The following RIT2 variants were observed in gnomAD, a reference collection of about 807,000 sequenced individuals.
RIT2 encodes GTP-binding protein Rit2.
RIT2 carries 24 observed loss-of-function variants against 23.7 expected under a neutral mutation model. The observed-to-expected ratio is 1.01, with a 90% CI of 0.73 to 1.43. RIT2 has a LOEUF of 1.43. RIT2 is among the 40% of genes most tolerant of loss of function. The pLI, the probability that RIT2 is intolerant of heterozygous loss-of-function variation, is 0.00. For synonymous variants in RIT2, 107 were observed against 91.1 expected (o/e 1.17, Z -0.99); for missense variants, 236 against 266.9 (o/e 0.88, Z 0.81).
Position 43,006,029 on chromosome 18 carries a change from G to A in RIT2, c.160+27782C>T, listed in dbSNP as rs150505088. On this transcript the variant is annotated intron_variant, in intron 2 of 4. Coordinates refer to ENST00000326695, the MANE Select transcript of RIT2 (RefSeq NM_002930.4). ...AGTCTTTTTCATAACAAAAGCCCAC[G>A]CTGAGAATAAACTTTTGGAAAAAAA... is the stretch of plus-strand genomic sequence containing the variant. Among the ~76,000 whole-genome samples the A allele has an allele frequency of 5.0e-3, 753 of 151,608 alleles. 6 individuals are homozygous for A. Among genetic ancestry groups the A allele is most frequent in the Non-Finnish European group, 8.3e-3 (565 of 67,776 alleles).
chr18:42,883,460 T>C (rs1312147804), intron 4 of RIT2, among the ~76,000 whole-genome samples: 3 of 152,164 alleles, frequency 2.0e-5, no homozygotes, highest in African/African-American at 7.2e-5. Flanking sequence ...AATTGGACAT[T>C]AGAGACTCAG....
intron 3 of RIT2, among the ~76,000 whole-genome samples, chr18:42,970,838 G>A (rs928608353): frequency 6.6e-6 from 1 of 151,728 alleles, no homozygotes; most frequent in Non-Finnish European, 1.5e-5. Context: ...ATTTTGGAAA[G>A]CTCCCACATC....
chr18:42,754,467 G>A (rs368465264), intron 4 of RIT2, among the ~76,000 whole-genome samples: 38 of 152,198 alleles, frequency 2.5e-4, no homozygotes, highest in African/African-American at 8.4e-4. Context: ...ATGCCTTTGC[G>A]TATTGCTTTT....
chr18:42,756,907 T>C (rs1214980291), intron 4 of RIT2, among the ~76,000 whole-genome samples: 1 of 151,990 alleles, frequency 6.6e-6, no homozygotes, highest in Non-Finnish European at 1.5e-5. Flanking sequence ...AAAAAACTTA[T>C]GTATTATACT....
At chr18:42,753,838 T>C (rs1913101662) in intron 4 of RIT2, among the ~76,000 whole-genome samples, 1 of 152,200 alleles carries the variant, frequency 6.6e-6, no homozygotes, top group African/African-American at 2.4e-5. Flanking sequence ...TAAATTTGAT[T>C]TATTCACTTA....
At chr18:42,964,541 G>A (rs1391229721) in intron 3 of RIT2, among the ~76,000 whole-genome samples, 3 of 152,078 alleles carry the variant, frequency 2.0e-5, no homozygotes, top group Non-Finnish European at 4.4e-5. Flanking sequence ...CCCCTGCCCA[G>A]TTTTGTCTAT....
intron 3 of RIT2, among the ~76,000 whole-genome samples, chr18:42,969,604 A>C (rs1329494032): frequency 6.6e-6 from 1 of 151,956 alleles, no homozygotes; most frequent in Non-Finnish European, 1.5e-5. Context: ...AGAATGACTT[A>C]ATCCAGGCCA....
intron 4 of RIT2, among the ~76,000 whole-genome samples, chr18:42,831,189 C>T (rs956528205): frequency 3.3e-5 from 5 of 152,062 alleles, no homozygotes; most frequent in Admixed American, 3.3e-4. Context: ...TAGTTCTTTT[C>T]TTTGTGTATA....
chr18:42,927,710 G>A (rs543259737), intron 3 of RIT2, among the ~76,000 whole-genome samples: 2 of 151,962 alleles, frequency 1.3e-5, no homozygotes, highest in Middle Eastern at 6.8e-3. Context: ...AAATATTTAT[G>A]AAACAGACCC....
intron 3 of RIT2, 134 bp downstream of exon 3, chr18:42,973,940 T>C: frequency 3.4e-6 from 2 of 596,052 alleles, no homozygotes; most frequent in Non-Finnish European, 5.9e-6. Context: ...TTTTAAAATT[T>C]AATTCCTGAT....
At chr18:42,913,131 G>A (rs1908813408) in intron 4 of RIT2, among the ~76,000 whole-genome samples, 1 of 149,206 alleles carries the variant, frequency 6.7e-6, no homozygotes, top group South Asian at 2.1e-4. Flanking sequence ...ACTTGTAAAA[G>A]CATTTCAATA....
At chr18:43,042,371 T>G (rs1032214385) in intron 1 of RIT2, among the ~76,000 whole-genome samples, 9 of 152,346 alleles carry the variant, frequency 5.9e-5, no homozygotes, top group African/African-American at 2.2e-4. Flanking sequence ...ATTTCTCTTG[T>G]ACTTCAGTCC....
intron 2 of RIT2, among the ~76,000 whole-genome samples, chr18:43,011,049 A>C (rs1428991783): frequency 1.3e-5 from 2 of 151,832 alleles, no homozygotes; most frequent in African/African-American, 4.8e-5. Context: ...TTATACAGAA[A>C]ATTTTATAAA....
intron 1 of RIT2, among the ~76,000 whole-genome samples, chr18:43,100,453 T>C (rs894043811): frequency 2.0e-5 from 3 of 152,154 alleles, no homozygotes; most frequent in Non-Finnish European, 4.4e-5. Context: ...ACAAGAGCCA[T>C]GGTAGAGTTT....
chr18:42,944,773 T>C lies in RIT2; in HGVS notation c.235-21010A>G, dbSNP rs1447953916. 3.3e-5 allele frequency among the ~76,000 whole-genome samples: 5 copies of C among 152,144 alleles called. 1 individual carries two copies. ...AAGTCGCTACTTTGGGGCTCTGTCC[T>C]GAAACTGTGAGATGCTAAGAATCTT... is the stretch of plus-strand genomic sequence containing the variant. On this transcript the variant is annotated intron_variant, in intron 3 of 4. Transcript: ENST00000326695.
chr18:42,985,888 G>T (rs1434002137), intron 2 of RIT2, among the ~76,000 whole-genome samples: 1 of 151,946 alleles, frequency 6.6e-6, no homozygotes, highest in Admixed American at 6.5e-5. Flanking sequence ...TGACCAGTTG[G>T]AATACATTTA....
At chr18:43,083,315 T>G (rs1913202479) in intron 1 of RIT2, among the ~76,000 whole-genome samples, 1 of 152,176 alleles carries the variant, frequency 6.6e-6, no homozygotes, top group South Asian at 2.1e-4. Context: ...CAAAGTAATT[T>G]ATAGATTCAA....
chr18:42,998,417 C>T (rs959832939), intron 2 of RIT2, among the ~76,000 whole-genome samples: 1 of 152,190 alleles, frequency 6.6e-6, no homozygotes, highest in Middle Eastern at 3.4e-3. Context: ...TGGAACATAA[C>T]CCTCTACTCT....
At chr18:42,819,426 ATCTT>A (rs1360323109) in intron 4 of RIT2, among the ~76,000 whole-genome samples, 1 of 151,980 alleles carries the variant, frequency 6.6e-6, no homozygotes, top group Non-Finnish European at 1.5e-5. Context: ...ATCATGTTGA[ATCTT>A]TATTATTTTA....
Sources: gnomAD v4.1 joint callset for allele counts (sites outside exome capture counted in the v4.1 genomes callset) on GRCh38, gnomAD v4.1.1 for gene constraint, MANE v1.5 for transcripts, NCBI Gene and HGNC (gene_info 2026-07-23, HGNC 2026-07-21) for gene names.